TENM3: variants seen among roughly 807,000 people sequenced by gnomAD.
TENM3 encodes teneurin-3.
A neutral mutation model predicts 255.1 loss-of-function variants in TENM3; 63 were observed. That is an observed-to-expected ratio of 0.25 (90% CI 0.20 to 0.30). The LOEUF (loss-of-function observed/expected upper bound fraction) is 0.30, where lower values mean the gene tolerates loss of function less well. Among genes scored for constraint, TENM3 ranks in the 10% least tolerant of loss-of-function variants. The probability of loss-of-function intolerance (pLI) is 1.00; values close to 1 mark genes in which losing one functional copy is unlikely to be tolerated. For missense variants in TENM3, 2,929 were observed against 3,461.1 expected, an observed-to-expected ratio of 0.85 and a Z score of 3.86; for synonymous variants, 1,306 against 1,322.3, an observed-to-expected ratio of 0.99 and a Z score of 0.27.
the TENM3 span, among the ~76,000 whole-genome samples, chr4:181,519,974 C>A: frequency 6.6e-6 from 1 of 152,170 alleles, no homozygotes; most frequent in East Asian, 1.9e-4. Context: ...GTCAGAATTT[C>A]TTTCTTATTT....
the TENM3 span, among the ~76,000 whole-genome samples, chr4:181,896,287 TTAAG>T: frequency 2.0e-3 from 312 of 152,276 alleles, 1 homozygote; most frequent in African/African-American, 7.1e-3. Context: ...AAAACTGACC[TTAAG>T]TAAGTCAATT....
At chr4:182,567,553 C>T (rs1193729445) in intron 3 of TENM3, among the ~76,000 whole-genome samples, 1 of 152,110 alleles carries the variant, frequency 6.6e-6, no homozygotes, top group East Asian at 1.9e-4. Flanking sequence ...CCTACTTCCT[C>T]CTGTTTCTGG....
At chr4:181,704,747 C>A in the TENM3 span, among the ~76,000 whole-genome samples, 1 of 151,858 alleles carries the variant, frequency 6.6e-6, no homozygotes, top group Non-Finnish European at 1.5e-5. Flanking sequence ...AAGGAGAGAC[C>A]CCTGGCAGGG....
chr4:182,013,006 CAAAACA>C, the TENM3 span, among the ~76,000 whole-genome samples: 13 of 151,818 alleles, frequency 8.6e-5, no homozygotes, highest in South Asian at 2.1e-4. Context: ...CAAAACAAAA[CAAAACA>C]AAAACAAAAA....
At chr4:181,855,443 T>G in the TENM3 span, among the ~76,000 whole-genome samples, 4 of 152,204 alleles carry the variant, frequency 2.6e-5, no homozygotes, top group African/African-American at 9.6e-5. Flanking sequence ...ATATTAATGA[T>G]TCATCACTTA....
At chr4:181,926,258 T>G in the TENM3 span, among the ~76,000 whole-genome samples, 1 of 152,184 alleles carries the variant, frequency 6.6e-6, no homozygotes, top group Non-Finnish European at 1.5e-5. Flanking sequence ...TGAATGGTCT[T>G]TATCACTGAA....
the TENM3 span, among the ~76,000 whole-genome samples, chr4:181,481,524 A>G: frequency 6.6e-5 from 10 of 152,228 alleles, no homozygotes; most frequent in Admixed American, 6.5e-4. Flanking sequence ...ACCCATTCAT[A>G]TGCTCAACAA....
intron 1 of TENM3, among the ~76,000 whole-genome samples, chr4:182,204,200 G>A (rs2048844487): frequency 6.6e-6 from 1 of 152,226 alleles, no homozygotes; most frequent in Non-Finnish European, 1.5e-5. Flanking sequence ...TTTGCTGGAT[G>A]TAGTGTGTGG....
the TENM3 span, among the ~76,000 whole-genome samples, chr4:181,997,870 C>T: frequency 4.6e-5 from 7 of 152,258 alleles, no homozygotes; most frequent in Middle Eastern, 6.8e-3. Flanking sequence ...TCCTTTATTG[C>T]GGCAAGAACA....
At chr4:181,644,213 C>G in the TENM3 span, among the ~76,000 whole-genome samples, 9 of 151,998 alleles carry the variant, frequency 5.9e-5, no homozygotes, top group African/African-American at 1.9e-4. Context: ...TTCCAAGCAA[C>G]TAGCCAGTGT....
the TENM3 span, among the ~76,000 whole-genome samples, chr4:182,041,584 G>A: frequency 9.9e-5 from 15 of 152,258 alleles, no homozygotes; most frequent in East Asian, 2.7e-3. Flanking sequence ...TTTTCAAAAA[G>A]TATTAGAACT....
At chr4:182,551,786 C>T (rs1194173297) in intron 3 of TENM3, among the ~76,000 whole-genome samples, 1 of 151,930 alleles carries the variant, frequency 6.6e-6, no homozygotes, top group Non-Finnish European at 1.5e-5. Context: ...TTCAGGAGGC[C>T]AGGCTGGGAA....
intron 3 of TENM3, among the ~76,000 whole-genome samples, chr4:182,472,205 C>A (rs571917746): frequency 6.6e-6 from 1 of 152,166 alleles, no homozygotes; most frequent in South Asian, 2.1e-4. Flanking sequence ...CTCTATATTT[C>A]TTTCATGATT....
At chr4:182,100,720 T>C in the TENM3 span, among the ~76,000 whole-genome samples, 13 of 66,622 alleles carry the variant, frequency 2.0e-4, no homozygotes, top group Admixed American at 3.3e-4. Context: ...CACATATATA[T>C]ACACACATAT....
At chr4:181,575,985 A>G in the TENM3 span, among the ~76,000 whole-genome samples, 2 of 152,264 alleles carry the variant, frequency 1.3e-5, no homozygotes, top group Non-Finnish European at 2.9e-5. Context: ...TCAAGAGGGT[A>G]CAAGTGTAAC....
intron 5 of TENM3, among the ~76,000 whole-genome samples, chr4:182,644,463 T>A (rs1426778380): frequency 6.6e-6 from 1 of 152,170 alleles, no homozygotes. Context: ...CACCAACATA[T>A]ACGGGTTAAA....
chr4:182,259,677 T>G (rs1176449413), intron 1 of TENM3, among the ~76,000 whole-genome samples: 1 of 152,088 alleles, frequency 6.6e-6, no homozygotes, highest in Admixed American at 6.5e-5. Flanking sequence ...ATCTGATGAC[T>G]TAATACAAAT....
the TENM3 span, among the ~76,000 whole-genome samples, chr4:181,884,449 A>G: frequency 1.3e-4 from 20 of 152,116 alleles, no homozygotes. Flanking sequence ...CCCATTAAAC[A>G]CTAACTTCCC....
chr4:181,761,312 G>A, the TENM3 span, among the ~76,000 whole-genome samples: 2 of 152,016 alleles, frequency 1.3e-5, no homozygotes, highest in Non-Finnish European at 2.9e-5. Context: ...GCCGTATAAA[G>A]TAAATAGCAA....
Sources: allele counts gnomAD v4.1 joint callset (sites outside exome capture counted in the v4.1 genomes callset), GRCh38; gene constraint gnomAD v4.1.1; transcripts MANE v1.5; gene names NCBI Gene and HGNC (gene_info 2026-07-23, HGNC 2026-07-21).